AIFM2: variants seen among roughly 807,000 people sequenced by gnomAD.
AIFM2 encodes the protein AIF family member 2, ferroptosis suppressor, also known as ferroptosis suppressor protein 1.
In AIFM2, 38 loss-of-function variants were observed where a neutral mutation model predicts 35.7. The ratio of observed to expected loss-of-function variants is 1.06; its 90% CI spans 0.82 to 1.39. The LOEUF (loss-of-function observed/expected upper bound fraction) is 1.39. Ranked by LOEUF, AIFM2 falls within the 40% of genes most tolerant of loss-of-function variation. The pLI, the probability that AIFM2 is intolerant of heterozygous loss-of-function variation, is 0.00. For synonymous variants in AIFM2, 185 were observed against 203.5 expected, an observed-to-expected ratio of 0.91 and a Z score of 0.77; for missense variants, 476 against 491.2, an observed-to-expected ratio of 0.97 and a Z score of 0.29.
Position 70,123,469 on chromosome 10 carries a change from A to G in AIFM2, c.230T>C (p.Phe77Ser). 1 of 1,614,142 alleles carries G rather than the reference A, an allele frequency of 6.2e-7. No individual in the cohort carries two copies. Among genetic ancestry groups the G allele is most frequent in the Non-Finnish European group, 8.5e-7 (1 of 1,180,010 alleles). ...TATCCCCACTACTAGCCCCTGCCGG[A>G]AGTTGTCCTTGAAAGTCACCGAGTA... ...ISYSVTFKDNFRQGLVVGIDL... is the reference protein window; with the variant it reads ...ISYSVTFKDNSRQGLVVGIDL... The change falls in exon 3 of 9, where the codon TTC becomes TCC. Residue 77 changes from phenylalanine to serine, a missense_variant. Transcript: ENST00000307864.
intron 5 of AIFM2, among the ~76,000 whole-genome samples, chr10:70,118,517 A>T (rs2072463261): frequency 6.6e-6 from 1 of 152,246 alleles, no homozygotes; most frequent in Non-Finnish European, 1.5e-5. Flanking sequence ...GAGCAAAAAA[A>T]TACGTACAAA....
chr10:70,130,796 G>A (rs2072619152), intron 1 of AIFM2, among the ~76,000 whole-genome samples: 1 of 152,180 alleles, frequency 6.6e-6, no homozygotes, highest in Admixed American at 6.5e-5. Flanking sequence ...GAATCACAGA[G>A]AATCTTAACT....
intron 5 of AIFM2, among the ~76,000 whole-genome samples, chr10:70,118,732 G>A (rs2072465259): frequency 6.6e-6 from 1 of 152,162 alleles, no homozygotes; most frequent in African/African-American, 2.4e-5. Context: ...TAAAACCCTT[G>A]TAAATTGGGG....
chr10:70,117,823 T>G lies in AIFM2; in HGVS notation c.605A>C (p.Gln202Pro). The change falls in exon 6 of 9, where the codon CAG (glutamine) becomes CCG (proline). Residue 202 changes from glutamine to proline, a missense_variant. By Grantham distance (76) the Gln-to-Pro change is moderately conservative. Transcript: ENST00000307864. The surrounding 1 kb of genome is among the most constrained non-coding windows in gnomAD (Gnocchi z 4.7). Reference protein sequence around the residue: ...VKEILLRKGVQLLLSERVSNL... With the variant: ...VKEILLRKGVPLLLSERVSNL... ...GAGGGTGCACGTACTCAGCAGCAGC[T>G]GCACGCCCTTCCGGAGGAGGATCTC... 1 of 1,605,414 alleles carries G rather than the reference T, an allele frequency of 6.2e-7. No homozygotes were observed. Among genetic ancestry groups the G allele is most frequent in the Middle Eastern group, 1.7e-4 (1 of 5,986 alleles).
chr10:70,126,932 A>C (rs552090748), intron 1 of AIFM2, among the ~76,000 whole-genome samples: 3 of 152,296 alleles, frequency 2.0e-5, no homozygotes, highest in East Asian at 3.9e-4. Flanking sequence ...ACCCCCCGGC[A>C]GGCAGGGCCA....
intron 4 of AIFM2, among the ~76,000 whole-genome samples, chr10:70,120,863 A>C (rs2072494136): frequency 6.6e-6 from 1 of 152,226 alleles, no homozygotes; most frequent in Admixed American, 6.5e-5. Flanking sequence ...GAGGAAAGTC[A>C]GAGACATACC....
intron 3 of AIFM2, 69 bp from the exon 4 acceptor site, chr10:70,121,280 C>T: frequency 6.9e-7 from 1 of 1,440,436 alleles, no homozygotes; most frequent in Non-Finnish European, 9.0e-7. Context: ...GCAGGGCAGG[C>T]CTAGGCCTCT....
chr10:70,129,376 A>T (rs1016660598), intron 1 of AIFM2, among the ~76,000 whole-genome samples: 1 of 152,038 alleles, frequency 6.6e-6, no homozygotes, highest in Non-Finnish European at 1.5e-5. Context: ...TATATATAAA[A>T]TATATGTTGC....
intron 2 of AIFM2, 124 bp downstream of exon 2, chr10:70,123,783 G>C (rs1480568657): frequency 9.2e-7 from 1 of 1,091,078 alleles, no homozygotes; most frequent in African/African-American, 1.6e-5. Context: ...TCCAGAACTT[G>C]TCTGACAGTG....
rs766318725 is a variant in AIFM2 at position 70,124,096 on chromosome 10, C to A, written c.-12G>T. The A allele has an allele frequency of 4.7e-6, 7 of 1,486,270 alleles. No homozygotes were observed. In the African/African-American group the frequency reaches 8.5e-5, roughly 18 times the overall value. The allele number at this position is 1,486,270 out of a possible 1,614,324, so 92.1% of individuals were successfully genotyped here. A position where few individuals can be genotyped will look rare whatever the true frequency, so the allele number is the denominator to read the frequency against. The stretch of plus-strand genomic sequence containing the variant: ...ACCTGGGACCCCATCTCAAATCAGG[C>A]ACTGCTGGGAAGAAAGAGGAGAGCA... On this transcript the variant is annotated splice_region_variant and 5_prime_UTR_variant, in exon 2 of 9. Coordinates refer to ENST00000307864, the MANE Select transcript of AIFM2 (RefSeq NM_032797.6).
intron 4 of AIFM2, 88 bp downstream of exon 4, chr10:70,121,004 C>T (rs570215374): frequency 2.0e-6 from 3 of 1,534,856 alleles, no homozygotes; most frequent in Non-Finnish European, 2.6e-6. Flanking sequence ...CTGAGTAACC[C>T]CGTGGCCTCC....
In AIFM2 at chr10:70,114,065, G is replaced by A. The variant is rs1304412164; in HGVS notation, c.*113C>T. 3.7e-6 allele frequency: 5 copies of A among 1,338,318 alleles called. No homozygotes were observed. Among genetic ancestry groups the A allele is most frequent in the Non-Finnish European group, 4.0e-6 (4 of 998,178 alleles). The allele number at this position is 1,338,318 out of a possible 1,614,324, so 82.9% of individuals were successfully genotyped here. On this transcript the variant is annotated 3_prime_UTR_variant, in exon 9 of 9. Transcript: ENST00000307864. Reference sequence around the variant, plus strand: ...TTGCATTTCTAGCCACCACATCATTGGCATCTTATTCCAGAAGAATAGCAT... The same window carrying A: ...TTGCATTTCTAGCCACCACATCATTAGCATCTTATTCCAGAAGAATAGCAT...
In AIFM2 at chr10:70,117,980, T is replaced by G; in HGVS notation, c.508-60A>C. On this transcript the variant is annotated intron_variant, in intron 5 of 8. Coordinates refer to ENST00000307864, the MANE Select transcript of AIFM2 (RefSeq NM_032797.6). The surrounding 1 kb of genome is among the most constrained non-coding windows in gnomAD (Gnocchi z 4.7). ...GCCCCCAAGTCTTCAAACACAATCA[T>G]TGCACGAACGTCCACCTCCACTCAT... is the stretch of plus-strand genomic sequence containing the variant. The G allele has an allele frequency of 8.0e-7, 1 of 1,244,682 alleles. No individual in the cohort carries two copies. Among genetic ancestry groups the G allele is most frequent in the Admixed American group, 1.9e-5 (1 of 52,386 alleles). The allele number at this position is 1,244,682 out of a possible 1,614,324, so 77.1% of individuals were successfully genotyped here.
At chr10:70,114,886 A>C (rs773312641) in intron 8 of AIFM2, 34 bp downstream of exon 8, 4 of 1,608,770 alleles carry the variant, frequency 2.5e-6, no homozygotes, top group Non-Finnish European at 3.4e-6. Flanking sequence ...CCCAAACTCT[A>C]TTAAAACTGC....
Position 70,128,232 on chromosome 10 carries a change from C to T in AIFM2, c.-13-4135G>A, listed in dbSNP as rs528880358. ...TAACATAGCAGTAGTGCTGTGCAAACCTCCACCTGTGTGACACTCCATCAA... is the reference window on the plus strand; with the variant it reads ...TAACATAGCAGTAGTGCTGTGCAAATCTCCACCTGTGTGACACTCCATCAA... On this transcript the variant is annotated intron_variant, in intron 1 of 8. Transcript: ENST00000307864. 2.6e-5 allele frequency among the ~76,000 whole-genome samples: 4 copies of T among 152,338 alleles called. No individual in the cohort carries two copies. In the South Asian group the frequency reaches 6.2e-4, roughly 24 times the overall value.
chr10:70,121,943 T>C (rs1443509898), intron 3 of AIFM2, among the ~76,000 whole-genome samples: 3 of 151,468 alleles, frequency 2.0e-5, no homozygotes, highest in Admixed American at 6.6e-5. Flanking sequence ...AATACAAAAA[T>C]TAGCTGGGCG....
intron 1 of AIFM2, among the ~76,000 whole-genome samples, chr10:70,124,923 A>G (rs2072548712): frequency 6.6e-6 from 1 of 152,226 alleles, no homozygotes; most frequent in Non-Finnish European, 1.5e-5. Context: ...AAAAAGGAAC[A>G]GTGTTAAGAG....
intron 4 of AIFM2, 66 bp downstream of exon 4, chr10:70,121,026 C>A: frequency 6.4e-7 from 1 of 1,568,236 alleles, no homozygotes; most frequent in South Asian, 1.2e-5. Context: ...AGCTGCAGGC[C>A]TAGGCATCCC....
intron 1 of AIFM2, 27 bp from the exon 2 acceptor site, chr10:70,124,124 T>C: frequency 7.1e-7 from 1 of 1,409,672 alleles, no homozygotes. Context: ...GGAGAGCATA[T>C]CAGAGTCAGG....
Sources: allele counts gnomAD v4.1 joint callset (sites outside exome capture counted in the v4.1 genomes callset), GRCh38; gene constraint gnomAD v4.1.1; non-coding constraint Gnocchi (gnomAD v3.1); transcripts MANE v1.5; gene names NCBI Gene and HGNC (gene_info 2026-07-23, HGNC 2026-07-21).